The following PTPRT variants were observed in gnomAD, a reference collection of about 807,000 sequenced individuals.
The protein encoded by PTPRT is receptor-type tyrosine-protein phosphatase T.
A neutral mutation model predicts 176.8 loss-of-function variants in PTPRT; 56 were observed. That is an observed-to-expected ratio of 0.32 (90% CI 0.26 to 0.40). The LOEUF (loss-of-function observed/expected upper bound fraction) is 0.40. PTPRT is among the 10% of genes least tolerant of loss of function. The probability of loss-of-function intolerance (pLI) is 1.00; values close to 1 mark genes in which losing one functional copy is unlikely to be tolerated. For synonymous variants in PTPRT, 783 were observed against 739.0 expected (o/e 1.06, Z -0.96); for missense variants, 1,540 against 1,908.2 (o/e 0.81, Z 3.60).
At chr20:42,328,116 T>C (rs1230474823) in intron 11 of PTPRT, among the ~76,000 whole-genome samples, 1 of 152,098 alleles carries the variant, frequency 6.6e-6, no homozygotes, top group African/African-American at 2.4e-5. Context: ...AATTCTCATA[T>C]CAAATAGAAA....
chr20:42,181,408 A>AACTG (rs749884603), intron 16 of PTPRT, among the ~76,000 whole-genome samples: 7 of 152,148 alleles, frequency 4.6e-5, no homozygotes, highest in Non-Finnish European at 1.0e-4. Context: ...GGGCCTTTAG[A>AACTG]ACTGATGACT....
At chr20:42,358,915 A>G (rs1055928525) in intron 9 of PTPRT, among the ~76,000 whole-genome samples, 77 of 152,296 alleles carry the variant, frequency 5.1e-4, no homozygotes, top group African/African-American at 1.8e-3. Flanking sequence ...AGATTATGGA[A>G]GCCTTTAATG....
intron 7 of PTPRT, among the ~76,000 whole-genome samples, chr20:42,593,250 C>T (rs1253700566): frequency 6.6e-6 from 1 of 152,180 alleles, no homozygotes; most frequent in Non-Finnish European, 1.5e-5. Context: ...ATCCTCCGCA[C>T]ATCTTCATCT....
At chr20:42,958,625 C>T (rs558581280) in intron 1 of PTPRT, among the ~76,000 whole-genome samples, 9 of 152,092 alleles carry the variant, frequency 5.9e-5, no homozygotes, top group African/African-American at 1.4e-4. Context: ...ACATTTTTCT[C>T]CCCTCCACAT....
intron 9 of PTPRT, among the ~76,000 whole-genome samples, chr20:42,410,316 G>A (rs542728071): frequency 2.6e-5 from 4 of 152,118 alleles, no homozygotes; most frequent in Admixed American, 6.6e-5. Context: ...AGATAATAAT[G>A]TAGATGAGCC....
chr20:42,818,197 T>G (rs1221131886), intron 2 of PTPRT, among the ~76,000 whole-genome samples: 1 of 152,168 alleles, frequency 6.6e-6, no homozygotes, highest in Admixed American at 6.5e-5. Context: ...CCCAGCCTCC[T>G]TGAGTGACAT....
the PTPRT span, among the ~76,000 whole-genome samples, chr20:42,048,380 A>G: frequency 2.6e-5 from 4 of 152,168 alleles, no homozygotes; most frequent in Non-Finnish European, 5.9e-5. Flanking sequence ...GGTTGTCCTT[A>G]GTGACTAGGT....
intron 7 of PTPRT, among the ~76,000 whole-genome samples, chr20:42,634,088 TATAATAATATATATATTATAATA>T (rs2074536130): frequency 2.1e-5 from 1 of 47,010 alleles, no homozygotes; most frequent in African/African-American, 1.0e-4. Context: ...ATATATATAA[TATAATAATATATATATTATAATA>T]ATATAATATA....
At chr20:42,987,078 G>A (rs1338558866) in intron 1 of PTPRT, among the ~76,000 whole-genome samples, 2 of 152,102 alleles carry the variant, frequency 1.3e-5, no homozygotes, top group African/African-American at 2.4e-5. Context: ...ACAGTTGGTG[G>A]GCAGCCATCA....
chr20:42,603,452 C>T (rs1217835835), intron 7 of PTPRT, among the ~76,000 whole-genome samples: 1 of 152,048 alleles, frequency 6.6e-6, no homozygotes, highest in Admixed American at 6.6e-5. Context: ...TCTAGGAAAC[C>T]AAATAAGGCC....
intron 7 of PTPRT, among the ~76,000 whole-genome samples, chr20:42,632,056 G>A (rs1476136588): frequency 6.6e-6 from 1 of 152,080 alleles, no homozygotes; most frequent in South Asian, 2.1e-4. Context: ...AGTCATGGAG[G>A]TACCCCAGGC....
At chr20:42,524,459 C>T (rs145009735) in intron 7 of PTPRT, among the ~76,000 whole-genome samples, 20 of 152,176 alleles carry the variant, frequency 1.3e-4, no homozygotes, top group East Asian at 1.9e-4. Flanking sequence ...GCGGATTTTT[C>T]GCTGTTTTCT....
chr20:43,176,923 T>A (rs1323848416), intron 1 of PTPRT, among the ~76,000 whole-genome samples: 3 of 152,234 alleles, frequency 2.0e-5, no homozygotes, highest in African/African-American at 7.2e-5. Flanking sequence ...TAGACCTCAT[T>A]AGTAAACCAT....
At chr20:42,307,910 A>C (rs2057567917) in intron 12 of PTPRT, among the ~76,000 whole-genome samples, 1 of 152,158 alleles carries the variant, frequency 6.6e-6, no homozygotes, top group Admixed American at 6.5e-5. Context: ...AATCCCACCA[A>C]AAGCAAGATG....
chr20:42,041,580 G>A, the PTPRT span, among the ~76,000 whole-genome samples: 2 of 152,102 alleles, frequency 1.3e-5, no homozygotes, highest in Admixed American at 1.3e-4. Flanking sequence ...ATATTAAAAG[G>A]AAACAGTTCA....
At chr20:42,593,153 G>A (rs79311665) in intron 7 of PTPRT, among the ~76,000 whole-genome samples, 9,074 of 152,150 alleles carry the variant, frequency 0.06, 383 homozygotes, top group Non-Finnish European at 0.089. Context: ...TCTCAACACC[G>A]GCACAGTAAT....
At chr20:42,702,346 A>G (rs549943319) in intron 6 of PTPRT, among the ~76,000 whole-genome samples, 7 of 152,262 alleles carry the variant, frequency 4.6e-5, no homozygotes, top group African/African-American at 1.4e-4. Flanking sequence ...TAACATCTCC[A>G]GGGATCAACA....
downstream of PTPRT, among the ~76,000 whole-genome samples, chr20:42,068,869 G>A (rs1366727068): frequency 6.6e-6 from 1 of 152,188 alleles, no homozygotes; most frequent in African/African-American, 2.4e-5. Flanking sequence ...CGGAGCAGGG[G>A]TTTACTTCTT....
the PTPRT span, among the ~76,000 whole-genome samples, chr20:42,035,384 A>G: frequency 1.3e-5 from 2 of 152,136 alleles, no homozygotes; most frequent in East Asian, 3.9e-4. Flanking sequence ...TACAAAATAT[A>G]ATGTAGCTCC....
Sources: gnomAD v4.1 joint callset for allele counts (sites outside exome capture counted in the v4.1 genomes callset) on GRCh38, gnomAD v4.1.1 for gene constraint, MANE v1.5 for transcripts, NCBI Gene and HGNC (gene_info 2026-07-23, HGNC 2026-07-21) for gene names.